GPATCH8: variants seen among roughly 807,000 people sequenced by gnomAD.
GPATCH8 encodes G patch domain-containing protein 8.
GPATCH8 carries 18 observed loss-of-function variants against 118.3 expected under a neutral mutation model. That is an observed-to-expected ratio of 0.15 (90% CI 0.11 to 0.23). The LOEUF is 0.23. Ranked by LOEUF, GPATCH8 falls within the 10% of genes least tolerant of loss-of-function variation. The pLI is 1.00. For synonymous variants in GPATCH8, 659 were observed against 684.7 expected (o/e 0.96, Z 0.59); for missense variants, 1,631 against 1,873.8 (o/e 0.87, Z 2.39).
intron 5 of GPATCH8, 22 bp from the exon 6 acceptor site, chr17:44,424,514 A>C (rs2050022887): frequency 1.3e-6 from 2 of 1,576,076 alleles, no homozygotes; most frequent in Non-Finnish European, 1.7e-6. Flanking sequence ...ATGAAATACA[A>C]AGAAACAAAA....
intron 3 of GPATCH8, among the ~76,000 whole-genome samples, chr17:44,449,416 C>G (rs1026595126): frequency 6.6e-6 from 1 of 152,072 alleles, no homozygotes; most frequent in African/African-American, 2.4e-5. Flanking sequence ...GTGGCCCAGG[C>G]TGGTCTTGAA....
At chr17:44,454,560 C>T (rs1410925516) in intron 3 of GPATCH8, among the ~76,000 whole-genome samples, 1 of 152,170 alleles carries the variant, frequency 6.6e-6, no homozygotes, top group Non-Finnish European at 1.5e-5. Flanking sequence ...CATTCTCATT[C>T]AGTCTCCTCT....
chr17:44,480,360 T>G (rs1306561522), intron 1 of GPATCH8, among the ~76,000 whole-genome samples: 1 of 152,102 alleles, frequency 6.6e-6, no homozygotes, highest in Non-Finnish European at 1.5e-5. Context: ...GGCAGGAGAA[T>G]CACGAGGTCA....
chr17:44,407,527 G>C (rs1382139604), intron 6 of GPATCH8, among the ~76,000 whole-genome samples: 2 of 151,934 alleles, frequency 1.3e-5, no homozygotes, highest in African/African-American at 4.8e-5. Flanking sequence ...ATTTCTTCCA[G>C]AAAAATGGTT....
chr17:44,405,750 C>T (rs945782103), intron 7 of GPATCH8, among the ~76,000 whole-genome samples, 171 bp downstream of exon 7: 6 of 152,144 alleles, frequency 3.9e-5, no homozygotes, highest in Non-Finnish European at 7.3e-5. Context: ...GTGATCCGCC[C>T]GCCTCGGTCT....
At chr17:44,428,899 T>A (rs1402877617) in intron 5 of GPATCH8, among the ~76,000 whole-genome samples, 1 of 151,956 alleles carries the variant, frequency 6.6e-6, no homozygotes, top group Admixed American at 6.6e-5. Context: ...CCCAGCACTG[T>A]GGGAGGCCGA....
At chr17:44,407,083 CAACA>C (rs2049260529) in intron 6 of GPATCH8, 1 of 151,868 alleles carries the variant, frequency 6.6e-6, no homozygotes, top group African/African-American at 2.4e-5. Context: ...GCATGATGTT[CAACA>C]GACAGAGGAA....
In GPATCH8 at chr17:44,503,384, C is replaced by G; in HGVS notation, c.-14G>C. On this transcript the variant is annotated 5_prime_UTR_variant, in exon 1 of 8. Transcript: ENST00000591680. ...GCGGTCCGCCATTTTGCCGCCTTCA[C>G]TCCTCTCAGGACGACGCTCTCCGGT... 1 of 1,604,216 alleles carries G rather than the reference C, an allele frequency of 6.2e-7. No homozygotes were observed. The highest frequency in any genetic ancestry group is 1.3e-5 in the African/African-American group (1 of 74,764).
chr17:44,452,272 C>CAAAAAAAAAAAAAAA (rs1187689963), intron 3 of GPATCH8, among the ~76,000 whole-genome samples: 67 of 42,880 alleles, frequency 1.6e-3, no homozygotes, highest in Non-Finnish European at 2.1e-3. Flanking sequence ...CACTCCGTCT[C>CAAAAAAAAAAAAAAA]AAAAAAAAAA....
intron 5 of GPATCH8, among the ~76,000 whole-genome samples, chr17:44,432,180 G>A (rs2050342391): frequency 6.6e-6 from 1 of 151,724 alleles, no homozygotes; most frequent in Non-Finnish European, 1.5e-5. Flanking sequence ...TCTTTGATAA[G>A]ACAGGGAGAG....
At chr17:44,423,641 G>T (rs1252578183) in intron 6 of GPATCH8, among the ~76,000 whole-genome samples, 2 of 152,142 alleles carry the variant, frequency 1.3e-5, no homozygotes, top group Admixed American at 1.3e-4. Context: ...TAACAAGCCA[G>T]AACTGTCCTA....
At chr17:44,410,682 T>C (rs1239388436) in intron 6 of GPATCH8, among the ~76,000 whole-genome samples, 1 of 152,172 alleles carries the variant, frequency 6.6e-6, no homozygotes, top group Non-Finnish European at 1.5e-5. Context: ...TGAAAAGATA[T>C]GAAGATTCTG....
chr17:44,423,534 C>T, intron 6 of GPATCH8, among the ~76,000 whole-genome samples: 1 of 152,118 alleles, frequency 6.6e-6, no homozygotes, highest in Admixed American at 6.5e-5. Flanking sequence ...TTCCAATGCT[C>T]ATAAATTTAC....
chr17:44,409,797 C>T (rs148247292), intron 6 of GPATCH8, among the ~76,000 whole-genome samples: 5 of 152,266 alleles, frequency 3.3e-5, no homozygotes, highest in Admixed American at 6.5e-5. Context: ...CCCTTCCCTC[C>T]GTGTGGGGCA....
chr17:44,421,210 G>A (rs998711584), intron 6 of GPATCH8, among the ~76,000 whole-genome samples: 18 of 151,502 alleles, frequency 1.2e-4, no homozygotes, highest in African/African-American at 3.1e-4. Flanking sequence ...GCGTGGTGGC[G>A]CATGCCTGTA....
chr17:44,452,053 C>G (rs923066055), intron 3 of GPATCH8, among the ~76,000 whole-genome samples: 8 of 151,792 alleles, frequency 5.3e-5, no homozygotes, highest in Admixed American at 1.3e-4. Context: ...GGCGGATTGC[C>G]CGAGGTCAGG....
At chr17:44,483,177 AT>A (rs1251918557) in intron 1 of GPATCH8, among the ~76,000 whole-genome samples, 1,079 of 6,924 alleles carry the variant, frequency 0.16, 241 homozygotes, top group Non-Finnish European at 0.17. Flanking sequence ...AAAAAAAAAA[AT>A]ATATATATAT....
intron 5 of GPATCH8, among the ~76,000 whole-genome samples, chr17:44,424,702 G>A (rs1381255267): frequency 1.3e-5 from 2 of 152,150 alleles, no homozygotes; most frequent in Non-Finnish European, 2.9e-5. Flanking sequence ...ATAAACAAAT[G>A]TTTAAAAGGA....
intron 6 of GPATCH8, among the ~76,000 whole-genome samples, chr17:44,406,939 T>TA (rs1598417719): frequency 6.6e-6 from 1 of 152,124 alleles, no homozygotes; most frequent in East Asian, 1.9e-4. Flanking sequence ...AAGACAGAAC[T>TA]AAAATTATTT....
Sources: allele counts gnomAD v4.1 joint callset (sites outside exome capture counted in the v4.1 genomes callset), GRCh38; gene constraint gnomAD v4.1.1; transcripts MANE v1.5; gene names NCBI Gene and HGNC (gene_info 2026-07-23, HGNC 2026-07-21).